CIMIP7: variants seen among roughly 807,000 people sequenced by gnomAD.
The protein encoded by CIMIP7 is ciliary microtubule inner protein 7, also known as uncharacterized protein C3orf84.
chr3:49,179,507 C>T, the CIMIP7 span, among the ~76,000 whole-genome samples: 1 of 152,162 alleles, frequency 6.6e-6, no homozygotes, highest in African/African-American at 2.4e-5. Flanking sequence ...CTGTTACCTC[C>T]AGCCACACTG....
chr3:49,180,860 G>A, the CIMIP7 span, among the ~76,000 whole-genome samples: 3 of 150,148 alleles, frequency 2.0e-5, no homozygotes, highest in Admixed American at 2.0e-4. Context: ...AACCCGGGAG[G>A]TGGAGCTTGT....
chr3:49,189,189 GAA>G, the CIMIP7 span, among the ~76,000 whole-genome samples: 178 of 152,034 alleles, frequency 1.2e-3, 1 homozygote, highest in Non-Finnish European at 1.3e-3. Flanking sequence ...GGCTGGTCTT[GAA>G]CTACCGACCT....
chr3:49,180,822 C>T, the CIMIP7 span, among the ~76,000 whole-genome samples: 2 of 146,408 alleles, frequency 1.4e-5, no homozygotes, highest in African/African-American at 2.5e-5. Context: ...CCCAGCTACT[C>T]GGGAGGTTGA....
At chr3:49,177,911 A>G in the CIMIP7 span, 1 of 1,613,854 alleles carries the variant, frequency 6.2e-7, no homozygotes, top group Non-Finnish European at 8.5e-7. Flanking sequence ...CCTGGCCTGA[A>G]ATCAGCCTGG....
At chr3:49,185,721 C>T in the CIMIP7 span, among the ~76,000 whole-genome samples, 1 of 150,620 alleles carries the variant, frequency 6.6e-6, no homozygotes, top group East Asian at 2.0e-4. Flanking sequence ...GACGGAGTCT[C>T]GCACTGTTGC....
At chr3:49,185,997 CTCT>C in the CIMIP7 span, among the ~76,000 whole-genome samples, 2 of 146,308 alleles carry the variant, frequency 1.4e-5, no homozygotes, top group South Asian at 2.1e-4. Context: ...AATTTTATAG[CTCT>C]TTTTTTTTTT....
the CIMIP7 span, chr3:49,190,160 G>C: frequency 4.5e-6 from 7 of 1,543,648 alleles, no homozygotes; most frequent in South Asian, 7.9e-5. Flanking sequence ...CAGGAATGAG[G>C]ATAAAACTCA....
the CIMIP7 span, among the ~76,000 whole-genome samples, chr3:49,181,643 A>G: frequency 2.0e-5 from 3 of 152,210 alleles, no homozygotes; most frequent in African/African-American, 7.2e-5. Flanking sequence ...ACAGACTGGG[A>G]GAAAATATTT....
the CIMIP7 span, chr3:49,189,768 T>A: frequency 1.7e-6 from 1 of 602,266 alleles, no homozygotes; most frequent in African/African-American, 1.8e-5. Flanking sequence ...GCTCTTTGCC[T>A]GTAGCTACCC....
At chr3:49,180,757 C>T in the CIMIP7 span, among the ~76,000 whole-genome samples, 7 of 151,404 alleles carry the variant, frequency 4.6e-5, no homozygotes, top group Non-Finnish European at 4.4e-5. Context: ...GGTGAAACCC[C>T]GTCTCTACTA....
the CIMIP7 span, chr3:49,178,519 A>T: frequency 4.5e-5 from 73 of 1,613,540 alleles, no homozygotes; most frequent in South Asian, 9.9e-5. Flanking sequence ...CTTGGAGAAG[A>T]AGTGTCGCTG....
the CIMIP7 span, among the ~76,000 whole-genome samples, chr3:49,186,338 C>T: frequency 2.0e-5 from 3 of 151,158 alleles, no homozygotes; most frequent in South Asian, 2.1e-4. Context: ...CCCGTGTTCA[C>T]GCCATTCTCC....
chr3:49,178,599 C>T, the CIMIP7 span: 16 of 1,451,020 alleles, frequency 1.1e-5, no homozygotes, highest in Non-Finnish European at 1.3e-5. Context: ...CCCACCCTTA[C>T]CTGGATCACT....
the CIMIP7 span, among the ~76,000 whole-genome samples, chr3:49,186,373 G>T: frequency 6.6e-6 from 1 of 151,712 alleles, no homozygotes; most frequent in Non-Finnish European, 1.5e-5. Flanking sequence ...GAGTAGCTGG[G>T]ACTACAGGCG....
At chr3:49,182,894 G>C in the CIMIP7 span, among the ~76,000 whole-genome samples, 46 of 152,326 alleles carry the variant, frequency 3.0e-4, no homozygotes, top group African/African-American at 1.1e-3. Context: ...CCCGGGGCGG[G>C]GGGGCCAGCC....
At chr3:49,180,430 T>C in the CIMIP7 span, among the ~76,000 whole-genome samples, 1 of 152,160 alleles carries the variant, frequency 6.6e-6, no homozygotes, top group African/African-American at 2.4e-5. Context: ...CCTTTGTGCT[T>C]GGCTTCTGCC....
At chr3:49,187,998 AT>A in the CIMIP7 span, among the ~76,000 whole-genome samples, 2 of 152,340 alleles carry the variant, frequency 1.3e-5, no homozygotes, top group Non-Finnish European at 2.9e-5. Context: ...AGTTTAACAG[AT>A]TGATAGGATG....
chr3:49,177,666 GT>G, the CIMIP7 span: 1 of 1,603,572 alleles, frequency 6.2e-7, no homozygotes, highest in Non-Finnish European at 8.5e-7. Flanking sequence ...CTCTGGACCA[GT>G]TTAGACACTC....
At chr3:49,182,263 A>T in the CIMIP7 span, among the ~76,000 whole-genome samples, 7 of 151,834 alleles carry the variant, frequency 4.6e-5, no homozygotes, top group Non-Finnish European at 7.4e-5. Context: ...GGCCCCACCC[A>T]CATCCTGCTG....
Sources: allele counts gnomAD v4.1 joint callset (sites outside exome capture counted in the v4.1 genomes callset), GRCh38; gene constraint gnomAD v4.1.1; transcripts MANE v1.5; gene names NCBI Gene and HGNC (gene_info 2026-07-23, HGNC 2026-07-21).